Variants in RSU1 observed in about 807,000 individuals in gnomAD.
RSU1 encodes rsu-1.
A neutral mutation model predicts 31.1 loss-of-function variants in RSU1; 26 were observed. The ratio of observed to expected loss-of-function variants is 0.84; its 90% CI spans 0.61 to 1.16. The LOEUF is 1.16. Ranked by LOEUF, RSU1 falls within the 50% of genes most tolerant of loss-of-function variation. The pLI is 0.00. For synonymous variants in RSU1, 164 were observed against 136.3 expected (o/e 1.20, Z -1.41); for missense variants, 320 against 339.1 (o/e 0.94, Z 0.44).
intron 8 of RSU1, among the ~76,000 whole-genome samples, chr10:16,626,764 A>G (rs1379456081): frequency 6.6e-6 from 1 of 152,180 alleles, no homozygotes; most frequent in African/African-American, 2.4e-5. Context: ...TTGGAAATCT[A>G]TAGGGCAGTT....
intron 4 of RSU1, among the ~76,000 whole-genome samples, chr10:16,757,894 T>C (rs1389135400): frequency 6.6e-6 from 1 of 152,244 alleles, no homozygotes; most frequent in East Asian, 1.9e-4. Flanking sequence ...TGCAAATAAA[T>C]ACACTTTTGC....
At chr10:16,815,900 C>T (rs1267360263) in intron 2 of RSU1, among the ~76,000 whole-genome samples, 1 of 152,170 alleles carries the variant, frequency 6.6e-6, no homozygotes, top group Non-Finnish European at 1.5e-5. Context: ...AAGATCTGAA[C>T]GAGTAGGCTC....
At chr10:16,737,033 A>C in intron 7 of RSU1, among the ~76,000 whole-genome samples, 2 of 126,508 alleles carry the variant, frequency 1.6e-5, no homozygotes, top group East Asian at 2.7e-4. Flanking sequence ...GGGGGAGGGG[A>C]GGGGGGAAGA....
At chr10:16,749,933 G>A (rs1836940377) in intron 7 of RSU1, among the ~76,000 whole-genome samples, 1 of 152,182 alleles carries the variant, frequency 6.6e-6, no homozygotes, top group Non-Finnish European at 1.5e-5. Context: ...ACCGTGATCA[G>A]GAAGCTGGAC....
chr10:16,811,864 A>G (rs1838416679), intron 2 of RSU1, among the ~76,000 whole-genome samples: 1 of 152,218 alleles, frequency 6.6e-6, no homozygotes, highest in Admixed American at 6.5e-5. Context: ...TCCTTCTTCA[A>G]TAAATTTTTC....
At chr10:16,805,706 A>AGAAT (rs1361860707) in intron 2 of RSU1, among the ~76,000 whole-genome samples, 1 of 145,334 alleles carries the variant, frequency 6.9e-6, no homozygotes, top group Non-Finnish European at 1.5e-5. Context: ...TTAAAGAGGG[A>AGAAT]GAATGAAGAT....
chr10:16,728,835 G>C (rs1460617976), intron 7 of RSU1, among the ~76,000 whole-genome samples: 1 of 152,202 alleles, frequency 6.6e-6, no homozygotes, highest in Non-Finnish European at 1.5e-5. Context: ...GGGGCTGTAA[G>C]CCAAGGAATG....
intron 2 of RSU1, among the ~76,000 whole-genome samples, chr10:16,797,260 G>C (rs1357329691): frequency 6.6e-6 from 1 of 152,142 alleles, no homozygotes; most frequent in Admixed American, 6.5e-5. Flanking sequence ...GGAGCAGTAA[G>C]TAAAAATAAA....
In RSU1 at chr10:16,648,478, G is replaced by T. The variant is rs1034767645; in HGVS notation, c.731+46545C>A. Among the ~76,000 whole-genome samples the T allele has an allele frequency of 3.9e-5, 6 of 152,242 alleles. No individual in the cohort carries two copies. The East Asian group carries it at 1.2e-3, about 29-fold the overall frequency. ...TGCCTACGAAGATAGGTCAAAGTTT[G>T]CTACGAGCCTCCACATTTGAGAGAG... On this transcript the variant is annotated intron_variant, in intron 8 of 8. Coordinates refer to ENST00000345264, the MANE Select transcript of RSU1 (RefSeq NM_012425.4).
chr10:16,617,850 T>G (rs1457922842), intron 8 of RSU1, among the ~76,000 whole-genome samples: 1 of 152,178 alleles, frequency 6.6e-6, no homozygotes, highest in African/African-American at 2.4e-5. Flanking sequence ...GATTACAGAC[T>G]TAAATGTAAA....
chr10:16,635,611 T>C lies in RSU1; in HGVS notation c.732-42115A>G, dbSNP rs538831181. Among the ~76,000 whole-genome samples, 59 of 152,322 alleles carry C rather than the reference T, an allele frequency of 3.9e-4. No homozygotes were observed. In the South Asian group the frequency reaches 1.0e-2, roughly 26 times the overall value. On this transcript the variant is annotated intron_variant, in intron 8 of 8. Coordinates refer to ENST00000345264, the MANE Select transcript of RSU1 (RefSeq NM_012425.4). ...TGCAAAATGATACTGTCCCAGCAAC[T>C]GGTCCTATCTCCTACCTCATTGTCC... is the stretch of plus-strand genomic sequence containing the variant.
At chr10:16,669,062 G>C (rs1835054388) in intron 8 of RSU1, among the ~76,000 whole-genome samples, 1 of 152,136 alleles carries the variant, frequency 6.6e-6, no homozygotes, top group Admixed American at 6.5e-5. Flanking sequence ...TTGACCTGCA[G>C]TCTATTACAA....
At chr10:16,812,625 T>C (rs541942943) in intron 2 of RSU1, among the ~76,000 whole-genome samples, 1 of 152,286 alleles carries the variant, frequency 6.6e-6, no homozygotes, top group South Asian at 2.1e-4. Context: ...TATTTGTTTA[T>C]TATTTTGCCT....
At chr10:16,709,385 C>T (rs1835971708) in intron 7 of RSU1, among the ~76,000 whole-genome samples, 1 of 152,164 alleles carries the variant, frequency 6.6e-6, no homozygotes, top group African/African-American at 2.4e-5. Context: ...TTTCTTAATC[C>T]AGTCTATCAT....
chr10:16,697,543 A>T (rs1466922753), intron 7 of RSU1, among the ~76,000 whole-genome samples: 1 of 152,138 alleles, frequency 6.6e-6, no homozygotes, highest in Non-Finnish European at 1.5e-5. Flanking sequence ...GCGCACCTGT[A>T]GTCCCAGCCT....
At chr10:16,649,640 G>T (rs2131512881) in intron 8 of RSU1, among the ~76,000 whole-genome samples, 1 of 152,212 alleles carries the variant, frequency 6.6e-6, no homozygotes, top group South Asian at 2.1e-4. Context: ...TTATAGGCAC[G>T]TGATTTTTCT....
intron 8 of RSU1, among the ~76,000 whole-genome samples, chr10:16,663,527 G>A (rs1469818594): frequency 6.6e-6 from 1 of 152,130 alleles, no homozygotes; most frequent in Non-Finnish European, 1.5e-5. Flanking sequence ...ACTGCTCTGT[G>A]GAACAAGCCC....
chr10:16,805,160 T>A (rs1227376780), intron 2 of RSU1, among the ~76,000 whole-genome samples: 1 of 151,832 alleles, frequency 6.6e-6, no homozygotes, highest in Admixed American at 6.6e-5. Context: ...TGAGCCCAGA[T>A]CACACCATTG....
At chr10:16,688,061 A>G (rs979714076) in intron 8 of RSU1, among the ~76,000 whole-genome samples, 4 of 152,166 alleles carry the variant, frequency 2.6e-5, no homozygotes, top group Non-Finnish European at 5.9e-5. Flanking sequence ...ACTTTTATTC[A>G]GTAGAATAAA....
Sources: allele counts gnomAD v4.1 joint callset (sites outside exome capture counted in the v4.1 genomes callset), GRCh38; gene constraint gnomAD v4.1.1; transcripts MANE v1.5; gene names NCBI Gene and HGNC (gene_info 2026-07-23, HGNC 2026-07-21).